The following UBXN2A variants were observed in gnomAD, a reference collection of about 807,000 sequenced individuals.
UBXN2A encodes the protein UBX domain protein 2A.
UBXN2A carries 28 observed loss-of-function variants against 28.4 expected under a neutral mutation model. That is an observed-to-expected ratio of 0.99 (90% CI 0.73 to 1.35). The LOEUF is 1.35. UBXN2A is among the 40% of genes most tolerant of loss of function. The pLI is 0.00. For missense variants in UBXN2A, 253 were observed against 297.9 expected (o/e 0.85, Z 1.11); for synonymous variants, 97 against 103.6 (o/e 0.94, Z 0.39).
chr2:23,985,500 CT>C (rs1708088735), intron 6 of UBXN2A, among the ~76,000 whole-genome samples: 1 of 152,118 alleles, frequency 6.6e-6, no homozygotes, highest in Admixed American at 6.6e-5. Context: ...GATCTGCCCG[CT>C]TTGGCCTCCC....
chr2:23,942,760 C>A (rs115673762), intron 1 of UBXN2A, among the ~76,000 whole-genome samples: 5,597 of 151,816 alleles, frequency 0.037, 106 homozygotes, highest in South Asian at 0.046. Flanking sequence ...TTGGGACCAG[C>A]TTTTTCTGTT....
At chr2:23,946,718 A>G (rs1421516692) in intron 1 of UBXN2A, among the ~76,000 whole-genome samples, 1 of 152,028 alleles carries the variant, frequency 6.6e-6, no homozygotes, top group Admixed American at 6.6e-5. Context: ...AGCCTCCCAA[A>G]GTGCTGGGAT....
chr2:23,955,415 A>G (rs949056670), intron 1 of UBXN2A, among the ~76,000 whole-genome samples: 8 of 152,070 alleles, frequency 5.3e-5, no homozygotes, highest in Non-Finnish European at 1.2e-4. Context: ...TGCTGATGTC[A>G]CCCTCAAGAG....
intron 4 of UBXN2A, among the ~76,000 whole-genome samples, chr2:23,980,982 AT>A (rs1486329517): frequency 6.6e-6 from 1 of 151,784 alleles, no homozygotes; most frequent in African/African-American, 2.4e-5. Context: ...AGAATTCTTC[AT>A]TTTTTCTGAA....
chr2:23,995,706 A>T (rs1293051489), intron 6 of UBXN2A, among the ~76,000 whole-genome samples: 1 of 151,180 alleles, frequency 6.6e-6, no homozygotes, highest in Non-Finnish European at 1.5e-5. Flanking sequence ...AAAAAAAAAG[A>T]AAAGAAAAAA....
chr2:23,935,574 AACAC>A (rs895923598), upstream of UBXN2A, among the ~76,000 whole-genome samples: 7 of 152,256 alleles, frequency 4.6e-5, no homozygotes, highest in Non-Finnish European at 8.8e-5. Flanking sequence ...GATAGTTATA[AACAC>A]ACATACACAT....
intron 1 of UBXN2A, among the ~76,000 whole-genome samples, chr2:23,951,433 T>G (rs1443499408): frequency 0.029 from 1,096 of 37,922 alleles, 25 homozygotes; most frequent in Non-Finnish European, 0.038. Flanking sequence ...TATATATATA[T>G]ATATATATAT....
chr2:23,963,635 A>G (rs888009568), intron 2 of UBXN2A, among the ~76,000 whole-genome samples: 1 of 152,194 alleles, frequency 6.6e-6, no homozygotes, highest in Admixed American at 6.5e-5. Context: ...GTTGTCAAAA[A>G]ACAAAAGAGC....
intron 2 of UBXN2A, among the ~76,000 whole-genome samples, chr2:23,961,539 C>CTTTTTTTT (rs71395167): frequency 5.9e-5 from 3 of 51,280 alleles, no homozygotes; most frequent in Non-Finnish European, 1.0e-4. Context: ...AGAAAACTGC[C>CTTTTTTTT]TTTTTTTTTT....
intron 6 of UBXN2A, among the ~76,000 whole-genome samples, chr2:23,991,406 T>TACACACACACAC (rs371442810): frequency 0.064 from 9,487 of 148,418 alleles, 381 homozygotes; most frequent in Middle Eastern, 0.12. Context: ...TTTTATTTTA[T>TACACACACACAC]ACACACACAC....
At chr2:23,964,476 C>T (rs1007947061) in intron 2 of UBXN2A, among the ~76,000 whole-genome samples, 6 of 152,210 alleles carry the variant, frequency 3.9e-5, no homozygotes, top group Non-Finnish European at 2.9e-5. Flanking sequence ...TCCCAAAGTA[C>T]TGGGATTACA....
chr2:23,995,948 T>C (rs947967519), intron 6 of UBXN2A, among the ~76,000 whole-genome samples: 10 of 152,162 alleles, frequency 6.6e-5, no homozygotes, highest in African/African-American at 2.4e-4. Flanking sequence ...CAATTTGGAG[T>C]GCAGTGGCTC....
chr2:23,944,189 A>G, intron 1 of UBXN2A: 1 of 1,433,376 alleles, frequency 7.0e-7, no homozygotes, highest in Non-Finnish European at 9.8e-7. Flanking sequence ...TGATGGACAC[A>G]ACTAAGTTTG....
rs1233942698 is a variant in UBXN2A at position 24,004,734 on chromosome 2, TA to T, written c.*4873del. ...TAATTACTATGCATTTTTTTCAGTT[TA>T]AAAAATAATCTTATTTTATATACTT... On this transcript the variant is annotated 3_prime_UTR_variant, in exon 7 of 7. Coordinates refer to ENST00000309033, the MANE Select transcript of UBXN2A (RefSeq NM_181713.4). The T allele has an allele frequency of 6.6e-6, 1 of 151,976 alleles. No individual in the cohort carries two copies. Among genetic ancestry groups the T allele is most frequent in the Non-Finnish European group, 1.5e-5 (1 of 67,916 alleles). The allele number at this position is 151,976 out of a possible 1,614,324, so 9.4% of individuals were successfully genotyped here.
intron 6 of UBXN2A, among the ~76,000 whole-genome samples, chr2:23,987,786 A>C (rs1417492601): frequency 1.3e-5 from 2 of 151,436 alleles, no homozygotes; most frequent in African/African-American, 4.8e-5. Flanking sequence ...TCAAAAAAAA[A>C]AAAAACAAAA....
chr2:23,981,301 T>TA (rs1169013386), intron 4 of UBXN2A, among the ~76,000 whole-genome samples: 1 of 62,642 alleles, frequency 1.6e-5, no homozygotes, highest in African/African-American at 5.8e-5. Flanking sequence ...AACCTGTCTC[T>TA]ACAAAAAAAA....
At chr2:23,958,714 G>A (rs1051750631) in intron 2 of UBXN2A, among the ~76,000 whole-genome samples, 4 of 152,140 alleles carry the variant, frequency 2.6e-5, no homozygotes, top group East Asian at 1.9e-4. Context: ...CTTGAATCCC[G>A]TCTCTGCCTT....
chr2:23,978,035 C>T (rs891326161), intron 4 of UBXN2A, among the ~76,000 whole-genome samples: 1 of 151,934 alleles, frequency 6.6e-6, no homozygotes, highest in Admixed American at 6.6e-5. Flanking sequence ...ACCATGTTGG[C>T]CAGGCTAGTC....
chr2:23,990,665 T>C (rs1460327392), intron 6 of UBXN2A, among the ~76,000 whole-genome samples: 1 of 151,578 alleles, frequency 6.6e-6, no homozygotes, highest in East Asian at 1.9e-4. Context: ...TCCCAGCTAC[T>C]TGGGAGGCTG....
Sources: gnomAD v4.1 joint callset for allele counts (sites outside exome capture counted in the v4.1 genomes callset) on GRCh38, gnomAD v4.1.1 for gene constraint, MANE v1.5 for transcripts, NCBI Gene and HGNC (gene_info 2026-07-23, HGNC 2026-07-21) for gene names.